The following FAM228B variants were observed in gnomAD, a reference collection of about 807,000 sequenced individuals.
FAM228B encodes the protein family with sequence similarity 228 member B.
Under a neutral mutation model 42.6 loss-of-function variants are expected in FAM228B, and 38 were observed. That is an observed-to-expected ratio of 0.89 (90% confidence interval 0.69 to 1.17). The LOEUF is 1.17. FAM228B is among the 50% of genes most tolerant of loss of function. The pLI, the probability that FAM228B is intolerant of heterozygous loss-of-function variation, is 0.00. For missense variants in FAM228B, 344 were observed against 367.3 expected, an observed-to-expected ratio of 0.94 and a Z score of 0.52; for synonymous variants, 109 against 122.3, an observed-to-expected ratio of 0.89 and a Z score of 0.72.
intron 7 of FAM228B, among the ~76,000 whole-genome samples, chr2:24,156,989 T>G (rs1382094767): frequency 2.6e-5 from 4 of 152,196 alleles, no homozygotes; most frequent in African/African-American, 7.2e-5. Flanking sequence ...CTTTTAGCAC[T>G]TCTGCTGTAC....
intron 2 of FAM228B, 133 bp downstream of exon 2, chr2:24,124,593 T>A: frequency 1.7e-6 from 1 of 591,312 alleles, no homozygotes; most frequent in Non-Finnish European, 2.9e-6. Flanking sequence ...CCCTTCACTT[T>A]ACTAACTTTG....
chr2:24,113,526 C>T (rs1048714117), intron 3 of FAM228B, among the ~76,000 whole-genome samples: 1 of 152,172 alleles, frequency 6.6e-6, no homozygotes, highest in Non-Finnish European at 1.5e-5. Context: ...ACTGTGATCA[C>T]ACCACTGCAC....
intron 8 of FAM228B, among the ~76,000 whole-genome samples, chr2:24,162,793 C>T (rs1356965933): frequency 6.6e-6 from 1 of 152,134 alleles, no homozygotes. Flanking sequence ...AACTTCAAAA[C>T]CATTGTACTC....
intron 7 of FAM228B, among the ~76,000 whole-genome samples, chr2:24,152,543 C>T (rs996456531): frequency 4.6e-5 from 7 of 152,202 alleles, no homozygotes; most frequent in African/African-American, 1.7e-4. Context: ...GAGGTATTGC[C>T]TTTGTGGACT....
rs904960297 is a variant in FAM228B, at chr2:24,123,473, T to A, written c.-93T>A. 1 of 152,110 alleles carries A rather than the reference T, an allele frequency of 6.6e-6. No individual in the cohort carries two copies. Among genetic ancestry groups the A allele is most frequent in the South Asian group, 2.1e-4 (1 of 4,826 alleles). The allele number at this position is 152,110 out of a possible 1,614,324, so 9.4% of individuals were successfully genotyped here. On this transcript the variant is annotated 5_prime_UTR_variant, in exon 1 of 11. Transcript: ENST00000615575. ...CCGCCCCGGCACCGCCCGCGCGGAC[T>A]CGCTGTGGAACCCGCGGCGCAGGGG...
At chr2:24,083,493 C>T (rs751472948) in intron 2 of FAM228B, among the ~76,000 whole-genome samples, 5 of 152,132 alleles carry the variant, frequency 3.3e-5, no homozygotes, top group Non-Finnish European at 7.4e-5. Context: ...AAGCGCTAGG[C>T]TCTGTGCTCA....
intron 3 of FAM228B, among the ~76,000 whole-genome samples, chr2:24,110,535 C>T (rs1305422622): frequency 6.6e-6 from 1 of 152,140 alleles, no homozygotes; most frequent in African/African-American, 2.4e-5. Context: ...CATATAAAAA[C>T]CCTGGAACAA....
At chr2:24,135,360 T>C (rs766641836) in intron 3 of FAM228B, among the ~76,000 whole-genome samples, 173 bp downstream of exon 3, 1 of 152,218 alleles carries the variant, frequency 6.6e-6, no homozygotes, top group African/African-American at 2.4e-5. Flanking sequence ...TCTAATGGAC[T>C]TCCTCCCTTC....
intron 2 of FAM228B, among the ~76,000 whole-genome samples, chr2:24,125,056 G>A (rs1047819575): frequency 1.3e-5 from 2 of 152,128 alleles, no homozygotes; most frequent in African/African-American, 4.8e-5. Flanking sequence ...TTATTAAGAT[G>A]TAATTGATAT....
At chr2:24,140,643 C>T (rs1192805118) in intron 5 of FAM228B, among the ~76,000 whole-genome samples, 1 of 151,968 alleles carries the variant, frequency 6.6e-6, no homozygotes, top group African/African-American at 2.4e-5. Context: ...CTATAGCCAT[C>T]ATATTGTACA....
At chr2:24,085,475 T>G (rs1299575441) in intron 2 of FAM228B, among the ~76,000 whole-genome samples, 1 of 152,054 alleles carries the variant, frequency 6.6e-6, no homozygotes, top group African/African-American at 2.4e-5. Context: ...CCACTACATA[T>G]CCGTAGCACT....
chr2:24,085,556 C>T (rs1380459342), intron 2 of FAM228B: 1 of 152,196 alleles, frequency 6.6e-6, no homozygotes, highest in Non-Finnish European at 1.5e-5. Flanking sequence ...TCTCATCCTC[C>T]ACCATCCCCC....
chr2:24,124,297 G>C, intron 1 of FAM228B, 33 bp from the exon 2 acceptor site: 1 of 1,085,488 alleles, frequency 9.2e-7, no homozygotes, highest in Non-Finnish European at 1.3e-6. Context: ...AGATGACTGT[G>C]AAATGTTCAA....
intron 2 of FAM228B, among the ~76,000 whole-genome samples, chr2:24,128,843 A>G (rs551325833): frequency 6.6e-6 from 1 of 151,942 alleles, no homozygotes; most frequent in African/African-American, 2.4e-5. Context: ...AGCAGTATCT[A>G]CCGTAGGGCC....
intron 3 of FAM228B, among the ~76,000 whole-genome samples, chr2:24,106,734 A>AT (rs908779319): frequency 1.3e-3 from 187 of 147,932 alleles, no homozygotes; most frequent in Middle Eastern, 3.5e-3. Context: ...TGCTGAGGGG[A>AT]TTTTTTTTTT....
At chr2:24,162,761 G>A (rs1667313975) in intron 8 of FAM228B, among the ~76,000 whole-genome samples, 1 of 152,152 alleles carries the variant, frequency 6.6e-6, no homozygotes, top group African/African-American at 2.4e-5. Context: ...AAAAAATACT[G>A]ATACATGCTG....
chr2:24,134,462 G>A (rs932707291), intron 2 of FAM228B, among the ~76,000 whole-genome samples: 1 of 152,184 alleles, frequency 6.6e-6, no homozygotes, highest in Non-Finnish European at 1.5e-5. Flanking sequence ...TAGTCAAAAA[G>A]CCTCAAATAG....
chr2:24,138,007 G>A lies in FAM228B; in HGVS notation c.267G>A (p.Gln89=). The A allele has an allele frequency of 1.3e-6, 2 of 1,547,720 alleles. No homozygotes were observed. Among genetic ancestry groups the A allele is most frequent in the South Asian group, 2.4e-5 (2 of 82,714 alleles). ...TTGACTGTGTGGCAGATCCTCTTCA[G>A]AAGAAAATTATAGAAAAAGTTTGCT... ...RWVDCVADPL[Q]KKIIEKVCSH... The change falls in exon 4 of 11, where the codon CAG becomes CAA. Residue 89 remains glutamine (Q), a synonymous_variant. Transcript: ENST00000615575.
At chr2:24,081,136 C>A in intron 2 of FAM228B, 8 of 406,618 alleles carry the variant, frequency 2.0e-5, no homozygotes, top group East Asian at 1.2e-4. Context: ...AATGCCAAAT[C>A]AATCTTTTGC....
Sources: allele counts gnomAD v4.1 joint callset (sites outside exome capture counted in the v4.1 genomes callset), GRCh38; gene constraint gnomAD v4.1.1; transcripts MANE v1.5; gene names NCBI Gene and HGNC (gene_info 2026-07-23, HGNC 2026-07-21).